CEP112: variants seen among roughly 807,000 people sequenced by gnomAD.
CEP112 encodes the protein centrosomal protein 112, also known as centrosomal protein of 112 kDa.
CEP112 carries 127 observed loss-of-function variants against 153.0 expected under a neutral mutation model. The observed-to-expected ratio is 0.83, with a 90% CI of 0.72 to 0.96. The LOEUF (loss-of-function observed/expected upper bound fraction) is 0.96, where lower values mean the gene tolerates loss of function less well. Ranked by LOEUF, CEP112 falls within the 40% of genes least tolerant of loss-of-function variation. The probability of loss-of-function intolerance (pLI) is 0.00; values close to 1 mark genes in which losing one functional copy is unlikely to be tolerated. For synonymous variants in CEP112, 358 were observed against 374.4 expected, an observed-to-expected ratio of 0.96 and a Z score of 0.51; for missense variants, 1,089 against 1,101.2, an observed-to-expected ratio of 0.99 and a Z score of 0.16.
chr17:66,163,646 T>G (rs1388588621), intron 4 of CEP112, among the ~76,000 whole-genome samples: 2 of 152,078 alleles, frequency 1.3e-5, no homozygotes, highest in Non-Finnish European at 2.9e-5. Flanking sequence ...ACTTTAAGAC[T>G]TCGTATTTCC....
intron 24 of CEP112, among the ~76,000 whole-genome samples, chr17:65,648,692 T>C (rs2045570955): frequency 6.6e-6 from 1 of 152,132 alleles, no homozygotes; most frequent in Non-Finnish European, 1.5e-5. Context: ...GCCTTGAAAA[T>C]CTATAATTTC....
intron 20 of CEP112, among the ~76,000 whole-genome samples, chr17:65,896,094 T>C (rs928191472): frequency 1.2e-4 from 18 of 152,128 alleles, no homozygotes; most frequent in Non-Finnish European, 8.8e-5. Context: ...GAATACTTTA[T>C]GGTATTATTT....
chr17:66,188,795 T>C (rs941179890), intron 1 of CEP112, among the ~76,000 whole-genome samples: 1 of 152,156 alleles, frequency 6.6e-6, no homozygotes, highest in Non-Finnish European at 1.5e-5. Context: ...AAGGCTATGA[T>C]ACCAGTGCTG....
chr17:66,018,015 A>C (rs897560155), intron 16 of CEP112, among the ~76,000 whole-genome samples: 1 of 143,894 alleles, frequency 6.9e-6, no homozygotes, highest in Non-Finnish European at 1.5e-5. Context: ...AAAAAAAAAA[A>C]TCCTTGTTTG....
intron 17 of CEP112, among the ~76,000 whole-genome samples, chr17:65,971,277 AC>A (rs2062778414): frequency 6.6e-6 from 1 of 152,238 alleles, no homozygotes; most frequent in South Asian, 2.1e-4. Flanking sequence ...CATGTACAGC[AC>A]ATGCACATAA....
intron 24 of CEP112, among the ~76,000 whole-genome samples, chr17:65,660,242 T>C (rs202036943): frequency 2.3e-4 from 22 of 95,370 alleles, no homozygotes; most frequent in South Asian, 1.0e-3. Flanking sequence ...CTTCCTCTTT[T>C]TTGTTTTCTT....
At chr17:66,109,917 T>C (rs1598369385) in intron 6 of CEP112, among the ~76,000 whole-genome samples, 2 of 152,240 alleles carry the variant, frequency 1.3e-5, no homozygotes, top group Non-Finnish European at 1.5e-5. Context: ...TCCCAGCACT[T>C]TGGGAGGCTG....
chr17:65,974,195 A>AC (rs1487403909), intron 17 of CEP112, among the ~76,000 whole-genome samples: 1 of 150,774 alleles, frequency 6.6e-6, no homozygotes, highest in Non-Finnish European at 1.5e-5. Context: ...TCCCACTTCA[A>AC]CCCCCCAAGT....
At chr17:65,739,572 C>G in intron 23 of CEP112, among the ~76,000 whole-genome samples, 1 of 151,970 alleles carries the variant, frequency 6.6e-6, no homozygotes, top group East Asian at 1.9e-4. Context: ...CCCATCTCTA[C>G]TAAAAATACA....
At position 65,897,926 on chromosome 17, in the gene CEP112, T is replaced by C. The variant is rs149928884; in HGVS notation, c.2163+4226A>G. Among the ~76,000 whole-genome samples the C allele has an allele frequency of 3.2e-3, 481 of 152,174 alleles. 2 individuals carry two copies. The highest frequency in any genetic ancestry group is 0.011 in the African/African-American group (470 of 41,530). On this transcript the variant is annotated intron_variant, in intron 20 of 26. Coordinates refer to ENST00000535342, the MANE Select transcript of CEP112 (RefSeq NM_001199165.4). ...TGAGAACTAGAAAAAAAAGAACTGC[T>C]ATGATTTTTGTCATTACATAATTAG...
At chr17:66,164,888 G>A (rs372657639) in intron 4 of CEP112, among the ~76,000 whole-genome samples, 9 of 38,980 alleles carry the variant, frequency 2.3e-4, no homozygotes, top group African/African-American at 1.2e-3. Flanking sequence ...ACACATATAT[G>A]TGTGTGTGTG....
intron 6 of CEP112, among the ~76,000 whole-genome samples, chr17:66,106,574 C>G (rs1380113099): frequency 6.6e-6 from 1 of 151,910 alleles, no homozygotes; most frequent in Non-Finnish European, 1.5e-5. Context: ...ACACATACAA[C>G]CTACCAAGAG....
intron 16 of CEP112, among the ~76,000 whole-genome samples, chr17:66,018,750 C>T (rs1186395161): frequency 6.6e-6 from 1 of 152,106 alleles, no homozygotes; most frequent in Non-Finnish European, 1.5e-5. Flanking sequence ...ATTGTGAACT[C>T]CATTAGACTT....
intron 23 of CEP112, among the ~76,000 whole-genome samples, chr17:65,726,348 A>T (rs184846885): frequency 7.3e-5 from 11 of 150,722 alleles, no homozygotes; most frequent in South Asian, 2.1e-4. Context: ...CAAAAAAAAA[A>T]TTATTATTAA....
intron 20 of CEP112, among the ~76,000 whole-genome samples, chr17:65,901,332 A>T (rs1263581965): frequency 1.3e-5 from 2 of 152,192 alleles, no homozygotes; most frequent in Admixed American, 1.3e-4. Flanking sequence ...ATTGTTATCA[A>T]TTGCTCTTAA....
At chr17:65,931,781 C>A (rs1344515831) in intron 18 of CEP112, among the ~76,000 whole-genome samples, 1 of 152,232 alleles carries the variant, frequency 6.6e-6, no homozygotes, top group Non-Finnish European at 1.5e-5. Context: ...ATCTGCAGAG[C>A]AGAGCATGTA....
chr17:65,970,673 C>T (rs1264994216), intron 17 of CEP112, among the ~76,000 whole-genome samples: 3 of 151,902 alleles, frequency 2.0e-5, no homozygotes, highest in African/African-American at 7.2e-5. Flanking sequence ...ATGCATATTA[C>T]ACGCATATCA....
At chr17:66,017,296 G>C (rs1484346737) in intron 16 of CEP112, among the ~76,000 whole-genome samples, 2 of 152,174 alleles carry the variant, frequency 1.3e-5, no homozygotes, top group African/African-American at 4.8e-5. Flanking sequence ...TGGTCAGTGT[G>C]CTAGCACAAG....
intron 24 of CEP112, among the ~76,000 whole-genome samples, chr17:65,663,723 C>A (rs770589179): frequency 1.3e-5 from 2 of 152,152 alleles, no homozygotes; most frequent in African/African-American, 4.8e-5. Flanking sequence ...CTGTTCTGTG[C>A]AGAACACAAA....
Sources: gnomAD v4.1 joint callset for allele counts (sites outside exome capture counted in the v4.1 genomes callset) on GRCh38, gnomAD v4.1.1 for gene constraint, MANE v1.5 for transcripts, NCBI Gene and HGNC (gene_info 2026-07-23, HGNC 2026-07-21) for gene names.